Variants in CLEC16A observed in about 807,000 individuals in gnomAD.
The protein encoded by CLEC16A is C-type lectin domain containing 16A, also known as protein CLEC16A.
CLEC16A carries 51 observed loss-of-function variants against 109.5 expected under a neutral mutation model. The observed-to-expected ratio is 0.47, with a 90% CI of 0.37 to 0.59. The LOEUF (loss-of-function observed/expected upper bound fraction) is 0.59, where lower values mean the gene tolerates loss of function less well. Ranked by LOEUF, CLEC16A falls within the 20% of genes least tolerant of loss-of-function variation. CLEC16A has a pLI of 0.00. For missense variants in CLEC16A, 1,339 were observed against 1,394.0 expected (o/e 0.96, Z 0.63); for synonymous variants, 673 against 564.2 (o/e 1.19, Z -2.73).
intron 19 of CLEC16A, among the ~76,000 whole-genome samples, chr16:11,100,073 A>G (rs3893660): frequency 0.46 from 70,460 of 151,956 alleles, 16,664 homozygotes; most frequent in African/African-American, 0.56. Flanking sequence ...ACTATTGGAC[A>G]GCCTGACTAG....
At chr16:11,027,052 C>G in intron 13 of CLEC16A, 2 of 1,560,142 alleles carry the variant, frequency 1.3e-6, no homozygotes, top group Non-Finnish European at 1.8e-6. Flanking sequence ...AGAAAAATCC[C>G]TTTGGTTCCA....
intron 22 of CLEC16A, among the ~76,000 whole-genome samples, chr16:11,155,595 G>A (rs1478473618): frequency 2.0e-5 from 3 of 152,204 alleles, no homozygotes; most frequent in Non-Finnish European, 2.9e-5. Flanking sequence ...TATCCATCAC[G>A]GCCTTTCTGT....
intron 20 of CLEC16A, among the ~76,000 whole-genome samples, chr16:11,122,896 CT>C (rs1002354410): frequency 1.2e-3 from 87 of 73,788 alleles, no homozygotes; most frequent in African/African-American, 3.0e-3. Flanking sequence ...CTATCCCTTT[CT>C]TTTTTTTTTT....
chr16:11,020,735 C>T (rs1203799354), intron 12 of CLEC16A, among the ~76,000 whole-genome samples: 1 of 152,256 alleles, frequency 6.6e-6, no homozygotes, highest in African/African-American at 2.4e-5. Context: ...ACACATACCC[C>T]ATCTATAGGG....
At chr16:11,051,310 C>G (rs930939940) in intron 17 of CLEC16A, among the ~76,000 whole-genome samples, 9 of 152,228 alleles carry the variant, frequency 5.9e-5, no homozygotes, top group Non-Finnish European at 8.8e-5. Context: ...AAGGAAAAAT[C>G]TGCAATTTAG....
intron 10 of CLEC16A, among the ~76,000 whole-genome samples, chr16:10,994,585 T>C (rs2147158933): frequency 6.6e-6 from 1 of 152,248 alleles, no homozygotes; most frequent in African/African-American, 2.4e-5. Flanking sequence ...GTGTCTGTGG[T>C]CCCAGCTACA....
At chr16:11,132,601 T>C (rs1242559347) in intron 22 of CLEC16A, among the ~76,000 whole-genome samples, 1 of 152,212 alleles carries the variant, frequency 6.6e-6, no homozygotes, top group Non-Finnish European at 1.5e-5. Context: ...GTAGGTCATG[T>C]GACAATCTAA....
intron 8 of CLEC16A, among the ~76,000 whole-genome samples, chr16:10,977,827 T>A (rs2043104684): frequency 6.6e-6 from 1 of 152,162 alleles, no homozygotes; most frequent in African/African-American, 2.4e-5. Flanking sequence ...CAAGGGAGAT[T>A]CCTTTCAAAG....
chr16:10,952,818 A>G (rs1488678480), intron 1 of CLEC16A, among the ~76,000 whole-genome samples: 1 of 152,238 alleles, frequency 6.6e-6, no homozygotes, highest in African/African-American at 2.4e-5. Context: ...ATTTGAAACA[A>G]TATCATTTAC....
intron 11 of CLEC16A, among the ~76,000 whole-genome samples, chr16:11,018,302 AAAAC>A (rs1427712163): frequency 6.6e-6 from 1 of 152,022 alleles, no homozygotes; most frequent in South Asian, 2.1e-4. Flanking sequence ...AAAAAAAAAA[AAAAC>A]AGGTGAAGAG....
At chr16:10,968,296 G>T (rs1305704371) in intron 3 of CLEC16A, among the ~76,000 whole-genome samples, 1 of 152,246 alleles carries the variant, frequency 6.6e-6, no homozygotes, top group Non-Finnish European at 1.5e-5. Context: ...TTAAAAGCTA[G>T]TTGATTTCAG....
At chr16:11,133,822 G>C (rs2053391784) in intron 22 of CLEC16A, among the ~76,000 whole-genome samples, 1 of 152,178 alleles carries the variant, frequency 6.6e-6, no homozygotes, top group Admixed American at 6.5e-5. Context: ...AGAAGGACCT[G>C]GGGCTTCCTC....
intron 2 of CLEC16A, among the ~76,000 whole-genome samples, chr16:10,960,367 A>G (rs2042197980): frequency 6.6e-6 from 1 of 152,200 alleles, no homozygotes; most frequent in Non-Finnish European, 1.5e-5. Context: ...GAGAAATGCT[A>G]GCCAGGTCTC....
chr16:10,983,939 A>C (rs1596879768), intron 10 of CLEC16A, among the ~76,000 whole-genome samples: 2 of 139,390 alleles, frequency 1.4e-5, no homozygotes, highest in African/African-American at 5.4e-5. Flanking sequence ...TGCTCATCTC[A>C]CTTATGCGGA....
intron 19 of CLEC16A, chr16:11,066,843 G>A (rs1386325084): frequency 1.3e-5 from 2 of 152,106 alleles, no homozygotes; most frequent in African/African-American, 4.8e-5. Context: ...GGGTCTGGGG[G>A]CCTGGAAAAT....
In CLEC16A at chr16:11,092,361, A is replaced by AACACACACACACACAC. The variant is rs3030566; in HGVS notation, c.2117-28228_2117-28213dup. On this transcript the variant is annotated intron_variant, in intron 19 of 23. Coordinates refer to ENST00000409790, the MANE Select transcript of CLEC16A (RefSeq NM_015226.3). Reference sequence around the variant, plus strand: ...CTGTCTCAAAAAACAAACAAAAACAAACACACACACACACACACACACACA... The same window carrying AACACACACACACACAC: ...CTGTCTCAAAAAACAAACAAAAACAAACACACACACACACACACACACACACACACACACACACACA... 7.6e-3 allele frequency among the ~76,000 whole-genome samples: 1,008 copies of AACACACACACACACAC among 132,500 alleles called. 13 individuals are homozygous for AACACACACACACACAC. Among genetic ancestry groups the AACACACACACACACAC allele is most frequent in the Middle Eastern group, 0.019 (5 of 270 alleles). 86.9% of individuals were successfully genotyped at this position (132,500 alleles called of 152,430 possible).
intron 10 of CLEC16A, among the ~76,000 whole-genome samples, chr16:10,992,542 TA>T (rs1296156471): frequency 6.6e-6 from 1 of 151,038 alleles, no homozygotes; most frequent in Non-Finnish European, 1.5e-5. Context: ...CATTAAAAAA[TA>T]AAAAAGAAAA....
intron 1 of CLEC16A, among the ~76,000 whole-genome samples, chr16:10,952,254 G>T (rs1482323721): frequency 6.6e-6 from 1 of 152,324 alleles, no homozygotes; most frequent in East Asian, 1.9e-4. Flanking sequence ...AGCACTTTGG[G>T]AAGCCGAGGC....
chr16:11,064,977 G>A (rs781309676), intron 19 of CLEC16A, among the ~76,000 whole-genome samples: 3 of 152,184 alleles, frequency 2.0e-5, no homozygotes, highest in African/African-American at 7.2e-5. Flanking sequence ...GGCATTTTCT[G>A]CTTAAGCAAC....
Sources: gnomAD v4.1 joint callset for allele counts (sites outside exome capture counted in the v4.1 genomes callset) on GRCh38, gnomAD v4.1.1 for gene constraint, MANE v1.5 for transcripts, NCBI Gene and HGNC (gene_info 2026-07-23, HGNC 2026-07-21) for gene names.